Variants in ZIM2 observed in about 807,000 individuals in gnomAD.
ZIM2 encodes the protein zinc finger protein 656.
ZIM2 carries 14 observed loss-of-function variants against 38.6 expected under a neutral mutation model. The observed-to-expected ratio is 0.36, with a 90% CI of 0.24 to 0.57. ZIM2 has a LOEUF of 0.57. ZIM2 is among the 20% of genes least tolerant of loss of function. The pLI is 0.81. For missense variants in ZIM2, 680 were observed against 695.1 expected (o/e 0.98, Z 0.24); for synonymous variants, 247 against 245.8 (o/e 1.00, Z -0.04).
intron 7 of ZIM2, among the ~76,000 whole-genome samples, chr19:56,820,443 A>AAACAAGACAAAGCCC (rs1207440711): frequency 2.6e-5 from 4 of 152,184 alleles, no homozygotes; most frequent in African/African-American, 9.7e-5. Context: ...TTAAAAAGCA[A>AAACAAGACAAAGCCC]AACAAGACAA....
rs750082564 is a variant in ZIM2 at position 56,815,030 on chromosome 19, G to A, written c.490+2716C>T. On this transcript the variant is annotated intron_variant, in intron 9 of 12. Transcript: ENST00000629319. ...TGAATTACAGAATGTGTGTACTCCC[G>A]ACTGTCAACCAGGCACTTCCTGCTG... The A allele has an allele frequency of 1.1e-5, 17 of 1,614,130 alleles. No homozygotes were observed. The South Asian group carries it at 1.2e-4, about 11-fold the overall frequency.
At chr19:56,782,620 G>A in intron 10 of ZIM2, 9 of 322,546 alleles carry the variant, frequency 2.8e-5, no homozygotes, top group South Asian at 7.8e-5. Context: ...TTAAGAAGTG[G>A]GACAATACCA....
intron 10 of ZIM2, among the ~76,000 whole-genome samples, chr19:56,783,669 C>A (rs1052543916): frequency 6.6e-6 from 1 of 152,048 alleles, no homozygotes; most frequent in Admixed American, 6.5e-5. Flanking sequence ...CTAGGGAATA[C>A]AAGAGGAGGC....
chr19:56,822,622 A>C (rs2060609483), intron 6 of ZIM2, 131 bp downstream of exon 6: 1 of 1,306,200 alleles, frequency 7.7e-7, no homozygotes, highest in Middle Eastern at 1.9e-4. Context: ...CCTTGGACTA[A>C]ACTTTTGGGG....
At chr19:56,839,370 G>A (rs1223504856) in intron 1 of ZIM2, among the ~76,000 whole-genome samples, 1 of 151,094 alleles carries the variant, frequency 6.6e-6, no homozygotes, top group African/African-American at 2.4e-5. Context: ...AACCAGGGCA[G>A]CACCTGCACA....
At chr19:56,798,872 C>T (rs1052106081) in intron 9 of ZIM2, 4 of 152,066 alleles carry the variant, frequency 2.6e-5, no homozygotes, top group Non-Finnish European at 4.4e-5. Context: ...AAGCTCAACA[C>T]CACTGATCAT....
At chr19:56,817,318 A>G (rs1457806508) in intron 9 of ZIM2, 1 of 1,614,080 alleles carries the variant, frequency 6.2e-7, no homozygotes. Flanking sequence ...ATTAAACCTA[A>G]AGCCTCCCCT....
chr19:56,824,433 A>G lies in ZIM2; in HGVS notation c.-150-6T>C. On this transcript the variant is annotated splice_region_variant and splice_polypyrimidine_tract_variant and intron_variant, in intron 3 of 12. Transcript: ENST00000629319. ...TCCTTGGTGCGGGTCTCCGGCTGCA[A>G]CCAATCGAGGCAGAGGTTTCGGAGT... The G allele has an allele frequency of 6.2e-7, 1 of 1,614,170 alleles. No individual in the cohort carries two copies. The highest frequency in any genetic ancestry group is 1.1e-5 in the South Asian group (1 of 91,074).
chr19:56,823,848 T>C (rs1005091719), intron 4 of ZIM2, among the ~76,000 whole-genome samples, 169 bp from the exon 5 acceptor site: 1 of 152,068 alleles, frequency 6.6e-6, no homozygotes, highest in Non-Finnish European at 1.5e-5. Context: ...ACTCCTGGCA[T>C]ACTAAAAACT....
At chr19:56,821,575 C>A in intron 7 of ZIM2, 76 bp downstream of exon 7, 1 of 1,568,126 alleles carries the variant, frequency 6.4e-7, no homozygotes, top group Non-Finnish European at 8.7e-7. Flanking sequence ...GATAAACACA[C>A]CATCTGGGGA....
chr19:56,814,617 A>T lies in ZIM2; in HGVS notation c.490+3129T>A. The T allele has an allele frequency of 6.2e-7, 1 of 1,614,098 alleles. No homozygotes were observed. The highest frequency in any genetic ancestry group is 2.2e-5 in the East Asian group (1 of 44,868). On this transcript the variant is annotated intron_variant, in intron 9 of 12. Transcript: ENST00000629319. This position sits in a 1 kb window ranked among gnomAD's most constrained non-coding sequence, Gnocchi z 5.8. ...ATTCAAAGAGTCTCTCTTCGGTCTG[A>T]CTTCTCTGAAACTCAGTGAGGGCTA...
In ZIM2 at chr19:56,781,836, C is replaced by A. The variant is rs1207065021; in HGVS notation, c.739+117G>T. On this transcript the variant is annotated intron_variant, in intron 11 of 12. Coordinates refer to ENST00000629319, the MANE Select transcript of ZIM2 (RefSeq NM_001387356.1). Reference sequence around the variant, plus strand: ...TCAAATATTAAAATATTGCCTCTGACCTGGGTTGAGACTCACTGACATGGT... The same window carrying A: ...TCAAATATTAAAATATTGCCTCTGAACTGGGTTGAGACTCACTGACATGGT... 9.2e-6 allele frequency: 12 copies of A among 1,310,204 alleles called. No individual in the cohort carries two copies. In the African/African-American group the frequency reaches 1.3e-4, roughly 14 times the overall value. The allele number at this position is 1,310,204 out of a possible 1,614,324, so 81.2% of individuals were successfully genotyped here. A position where few individuals can be genotyped will look rare whatever the true frequency, so the allele number is the denominator to read the frequency against.
intron 10 of ZIM2, among the ~76,000 whole-genome samples, chr19:56,786,141 C>T (rs886635280): frequency 2.0e-5 from 3 of 152,136 alleles, no homozygotes; most frequent in South Asian, 4.1e-4. Context: ...TGGAATCGCA[C>T]GGTACCCCAT....
Position 56,775,047 on chromosome 19 carries a change from CCTGA to C in ZIM2, c.1314_1317del (p.Ser438ArgfsTer44), listed in dbSNP as rs2045930145. 6.2e-7 allele frequency: 1 copy of C among 1,614,136 alleles called. No homozygotes were observed. The highest frequency in any genetic ancestry group is 8.5e-7 in the Non-Finnish European group (1 of 1,180,028). Reference sequence around the variant, plus strand: ...CACTGAAAACATTCAAAGTAGTCCTCCTGACTGTGAATTCTTACACGTTCACAGA... The same window carrying C: ...CACTGAAAACATTCAAAGTAGTCCTCCTGTGAATTCTTACACGTTCACAGA... On this transcript the variant is annotated frameshift_variant, in exon 13 of 13. Coordinates refer to ENST00000629319, the MANE Select transcript of ZIM2 (RefSeq NM_001387356.1). LOFTEE classifies it low-confidence loss of function (END_TRUNC).
At chr19:56,810,225 A>G (rs1010328225) in intron 9 of ZIM2, 127 of 983,030 alleles carry the variant, frequency 1.3e-4, no homozygotes, top group Admixed American at 1.8e-4. Flanking sequence ...TGGTGAAAAC[A>G]TGGGTGAGTT....
chr19:56,781,684 TC>T (rs1363628810), intron 11 of ZIM2, among the ~76,000 whole-genome samples: 5 of 151,822 alleles, frequency 3.3e-5, no homozygotes, highest in African/African-American at 1.2e-4. Flanking sequence ...TAAGTATACC[TC>T]CCCCTCACAG....
At chr19:56,785,397 A>C (rs145707768) in intron 10 of ZIM2, among the ~76,000 whole-genome samples, 330 of 152,076 alleles carry the variant, frequency 2.2e-3, no homozygotes, top group African/African-American at 7.8e-3. Flanking sequence ...CACCCCAGTA[A>C]TCTTTATACG....
intron 6 of ZIM2, chr19:56,822,496 GTTTT>G (rs11355455): frequency 1.5e-5 from 5 of 331,270 alleles, no homozygotes; most frequent in East Asian, 4.8e-5. Flanking sequence ...GAAACTTCCA[GTTTT>G]TTTTTTTTTA....
chr19:56,816,155 G>A, intron 9 of ZIM2: 1 of 1,613,846 alleles, frequency 6.2e-7, no homozygotes, highest in Non-Finnish European at 8.5e-7. Flanking sequence ...TCCTTAGTGG[G>A]AATCTTCTGG....
Sources: gnomAD v4.1 joint callset for allele counts (sites outside exome capture counted in the v4.1 genomes callset) on GRCh38, gnomAD v4.1.1 for gene constraint, Gnocchi (gnomAD v3.1) non-coding constraint, MANE v1.5 for transcripts, NCBI Gene and HGNC (gene_info 2026-07-23, HGNC 2026-07-21) for gene names.